The following PRP4K variants were observed in gnomAD, a reference collection of about 807,000 sequenced individuals.
PRP4K encodes the protein serine/threonine-protein kinase PRP4 homolog.
chr6:4,059,722 A>G, the PRP4K span, among the ~76,000 whole-genome samples: 1 of 151,948 alleles, frequency 6.6e-6, no homozygotes, highest in Non-Finnish European at 1.5e-5. Context: ...CTTGGCTCAC[A>G]GCAACCTCTG....
At chr6:4,049,813 G>A in the PRP4K span, 2 of 1,613,994 alleles carry the variant, frequency 1.2e-6, no homozygotes, top group Non-Finnish European at 8.5e-7. Context: ...AATGTTGTAC[G>A]AGCCAGAGAT....
At chr6:4,049,339 A>G in the PRP4K span, 5 of 477,758 alleles carry the variant, frequency 1.0e-5, no homozygotes, top group Non-Finnish European at 1.8e-5. Context: ...AATATATTCA[A>G]AATTATTTTC....
the PRP4K span, among the ~76,000 whole-genome samples, chr6:4,046,407 G>A: frequency 3.9e-5 from 6 of 151,976 alleles, no homozygotes; most frequent in African/African-American, 1.4e-4. Flanking sequence ...CATTCATATG[G>A]TTAAAGCGAC....
the PRP4K span, among the ~76,000 whole-genome samples, chr6:4,039,651 G>A: frequency 6.6e-6 from 1 of 152,044 alleles, no homozygotes; most frequent in Non-Finnish European, 1.5e-5. Flanking sequence ...AGGCTTTCTG[G>A]GGGTGTTGTG....
At chr6:4,045,533 C>A in the PRP4K span, among the ~76,000 whole-genome samples, 1 of 152,306 alleles carries the variant, frequency 6.6e-6, no homozygotes, top group Middle Eastern at 3.4e-3. Context: ...GAAGTAGATA[C>A]TCTTTTGGAA....
chr6:4,035,265 G>T, the PRP4K span, among the ~76,000 whole-genome samples: 1 of 139,510 alleles, frequency 7.2e-6, no homozygotes, highest in African/African-American at 2.7e-5. Flanking sequence ...CTACAGGTGT[G>T]CGCCACCACG....
the PRP4K span, chr6:4,060,467 T>G: frequency 1.9e-6 from 3 of 1,613,912 alleles, no homozygotes; most frequent in East Asian, 6.7e-5. This position sits in a 1 kb window ranked among gnomAD's most constrained non-coding sequence, Gnocchi z 4.7. Context: ...GTTGGCTGAC[T>G]TGATTGGGTG....
the PRP4K span, chr6:4,048,914 T>C: frequency 1.4e-6 from 1 of 690,552 alleles, no homozygotes; most frequent in Non-Finnish European, 2.3e-6. Context: ...AATAAAATGC[T>C]TTTATTAAAT....
the PRP4K span, among the ~76,000 whole-genome samples, chr6:4,031,278 T>C: frequency 6.6e-6 from 1 of 152,220 alleles, no homozygotes; most frequent in Admixed American, 6.5e-5. Context: ...TTTCCCTTTT[T>C]CTCTAACCTG....
At chr6:4,044,103 T>G in the PRP4K span, 6 of 1,363,992 alleles carry the variant, frequency 4.4e-6, no homozygotes, top group Non-Finnish European at 5.1e-6. Context: ...TTATTTGGGG[T>G]GGGATTAGGA....
At chr6:4,060,821 T>G in the PRP4K span, 4 of 584,190 alleles carry the variant, frequency 6.8e-6, no homozygotes, top group African/African-American at 7.4e-5. This position sits in a 1 kb window ranked among gnomAD's most constrained non-coding sequence, Gnocchi z 4.7. Context: ...CACTGTAGAC[T>G]GTTTTAAATT....
At chr6:4,039,876 C>G in the PRP4K span, among the ~76,000 whole-genome samples, 1 of 126,516 alleles carries the variant, frequency 7.9e-6, no homozygotes, top group African/African-American at 2.9e-5. Flanking sequence ...TCTTTTCTCT[C>G]TCTCCTCTCC....
At chr6:4,040,746 A>G in the PRP4K span, 7 of 1,606,608 alleles carry the variant, frequency 4.4e-6, no homozygotes, top group African/African-American at 2.7e-5. Context: ...AAAAAAATGT[A>G]TACCTGTCTT....
chr6:4,022,363 G>A, the PRP4K span, among the ~76,000 whole-genome samples: 1 of 150,910 alleles, frequency 6.6e-6, no homozygotes, highest in Non-Finnish European at 1.5e-5. Context: ...ACTTAAAGCA[G>A]TATTTTGCTG....
chr6:4,027,827 G>C, the PRP4K span, among the ~76,000 whole-genome samples: 6 of 152,118 alleles, frequency 3.9e-5, no homozygotes, highest in South Asian at 4.1e-4. Flanking sequence ...CCACTCAGCT[G>C]TCCTTTGTCT....
chr6:4,062,115 A>G, the PRP4K span: 1 of 152,654 alleles, frequency 6.6e-6, no homozygotes, highest in Non-Finnish European at 1.5e-5. This position sits in a 1 kb window ranked among gnomAD's most constrained non-coding sequence, Gnocchi z 4.2. Context: ...GTCAGCTTTC[A>G]GTGTAGTGAG....
the PRP4K span, chr6:4,049,972 G>C: frequency 7.3e-7 from 1 of 1,367,446 alleles, no homozygotes; most frequent in Non-Finnish European, 9.8e-7. Context: ...ATACATGATA[G>C]AATGTGTAAA....
At chr6:4,043,358 G>C in the PRP4K span, among the ~76,000 whole-genome samples, 2 of 152,058 alleles carry the variant, frequency 1.3e-5, no homozygotes, top group Non-Finnish European at 2.9e-5. Context: ...TCTTGCTCAG[G>C]TCCACAACCC....
the PRP4K span, chr6:4,037,408 G>C: frequency 1.2e-6 from 2 of 1,607,234 alleles, no homozygotes; most frequent in Non-Finnish European, 1.7e-6. Context: ...ACACGACCTC[G>C]AGATGATATC....
Sources: allele counts gnomAD v4.1 joint callset (sites outside exome capture counted in the v4.1 genomes callset), GRCh38; gene constraint gnomAD v4.1.1; non-coding constraint Gnocchi (gnomAD v3.1); transcripts MANE v1.5; gene names NCBI Gene and HGNC (gene_info 2026-07-23, HGNC 2026-07-21).